The following TRIO variants were observed in gnomAD, a reference collection of about 807,000 sequenced individuals.
TRIO encodes the protein triple functional domain protein.
TRIO carries 58 observed loss-of-function variants against 351.9 expected under a neutral mutation model. The observed-to-expected ratio is 0.16, with a 90% CI of 0.13 to 0.21. The LOEUF is 0.21. Among genes scored for constraint, TRIO ranks in the 10% least tolerant of loss-of-function variants. The pLI is 1.00. For missense variants in TRIO, 3,201 were observed against 4,027.8 expected, an observed-to-expected ratio of 0.79 and a Z score of 5.56; for synonymous variants, 1,758 against 1,595.7, an observed-to-expected ratio of 1.10 and a Z score of -2.42.
chr5:14,216,072 C>G (rs910841166), intron 1 of TRIO, among the ~76,000 whole-genome samples: 5 of 152,144 alleles, frequency 3.3e-5, no homozygotes, highest in African/African-American at 1.2e-4. Context: ...TGTGAGGATT[C>G]AGTGAGATAA....
chr5:14,341,712 A>G (rs941179126), intron 11 of TRIO, among the ~76,000 whole-genome samples: 3 of 152,214 alleles, frequency 2.0e-5, no homozygotes, highest in Non-Finnish European at 4.4e-5. Flanking sequence ...TGTGTGGGTT[A>G]TTTGAGGCAA....
At chr5:14,356,885 C>T (rs976088566) in intron 11 of TRIO, among the ~76,000 whole-genome samples, 2 of 151,490 alleles carry the variant, frequency 1.3e-5, no homozygotes, top group African/African-American at 4.9e-5. Context: ...AGAGTACATA[C>T]TGTCCCATTC....
chr5:14,305,913 G>T (rs1421706126), intron 8 of TRIO, among the ~76,000 whole-genome samples: 1 of 152,180 alleles, frequency 6.6e-6, no homozygotes, highest in East Asian at 1.9e-4. Context: ...ACTTAGCATT[G>T]TGGTACAGTT....
intron 10 of TRIO, among the ~76,000 whole-genome samples, chr5:14,332,241 A>G (rs1740970198): frequency 6.6e-6 from 1 of 152,190 alleles, no homozygotes; most frequent in Admixed American, 6.5e-5. Context: ...CCAGGAAGCC[A>G]TTTCTGTCAA....
intron 9 of TRIO, among the ~76,000 whole-genome samples, chr5:14,318,844 C>G (rs1173929900): frequency 1.5e-4 from 23 of 152,206 alleles, no homozygotes; most frequent in Admixed American, 1.4e-3. Flanking sequence ...CATAATTCCA[C>G]ATCCGTGGAC....
In TRIO at chr5:14,461,192, G is replaced by T. The variant is rs746360543; in HGVS notation, c.5377G>T (p.Val1793Leu). ...RLSSGKADGH[V>L]KKLAHKHKKS... ...CAGCAGCGGCAAGGCCGACGGGCAC[G>T]TGAAGAAGCTGGCGCACAAGCACAA... is the stretch of plus-strand genomic sequence containing the variant. Residue 1793 changes from valine (V) to leucine (L), a missense_variant, in exon 35 of 57, where the codon GTG becomes TTG. By Grantham distance (32) the Val-to-Leu change is conservative. Transcript: ENST00000344204. 9.6e-6 allele frequency: 15 copies of T among 1,563,946 alleles called. No homozygotes were observed. Among genetic ancestry groups the T allele is most frequent in the Non-Finnish European group, 1.3e-5 (15 of 1,155,002 alleles).
intron 1 of TRIO, among the ~76,000 whole-genome samples, chr5:14,201,992 T>A (rs1181123314): frequency 7.2e-6 from 1 of 138,006 alleles, no homozygotes; most frequent in Non-Finnish European, 1.6e-5. Context: ...GGGGGAGGGA[T>A]AGCATTAGGA....
chr5:14,449,870 A>G (rs26091), intron 34 of TRIO, among the ~76,000 whole-genome samples: 1 of 152,222 alleles, frequency 6.6e-6, no homozygotes, highest in Non-Finnish European at 1.5e-5. Context: ...TTTCATTTAC[A>G]TTTAATTTCT....
intron 1 of TRIO, among the ~76,000 whole-genome samples, chr5:14,180,177 G>C (rs1222532775): frequency 6.9e-6 from 1 of 145,946 alleles, no homozygotes; most frequent in East Asian, 2.0e-4. Context: ...ATATTCCCTA[G>C]TTTTCTGGCA....
intron 28 of TRIO, among the ~76,000 whole-genome samples, chr5:14,395,820 CGGATCACGACATCAGGAGATG>C (rs1261543209): frequency 2.0e-5 from 3 of 152,024 alleles, no homozygotes; most frequent in Non-Finnish European, 4.4e-5. Context: ...CCGAGGCAGG[CGGATCACGACATCAGGAGATG>C]GAGACCATCC....
intron 1 of TRIO, among the ~76,000 whole-genome samples, chr5:14,221,399 A>G (rs1043032187): frequency 1.3e-5 from 2 of 152,212 alleles, no homozygotes; most frequent in African/African-American, 4.8e-5. Flanking sequence ...ATCATTTACA[A>G]AATACATTTT....
At chr5:14,463,057 CT>C in intron 36 of TRIO, 132 bp downstream of exon 36, 1 of 1,199,046 alleles carries the variant, frequency 8.3e-7, no homozygotes, top group Non-Finnish European at 1.1e-6. Flanking sequence ...ATGCAGTGCT[CT>C]TTCAGGCAGC....
intron 9 of TRIO, among the ~76,000 whole-genome samples, chr5:14,329,749 T>G (rs1023057217): frequency 2.0e-5 from 3 of 152,220 alleles, no homozygotes; most frequent in South Asian, 2.1e-4. Context: ...ACTGACTTAG[T>G]TTTTTGCTGG....
chr5:14,205,843 G>A (rs151924), intron 1 of TRIO, among the ~76,000 whole-genome samples: 76,223 of 151,516 alleles, frequency 0.5, 20,558 homozygotes, highest in Non-Finnish European at 0.6. Flanking sequence ...AGCGATTCTC[G>A]TGCCTCAGCC....
At chr5:14,153,956 C>T (rs1787965632) in intron 1 of TRIO, among the ~76,000 whole-genome samples, 1 of 152,156 alleles carries the variant, frequency 6.6e-6, no homozygotes, top group Non-Finnish European at 1.5e-5. Flanking sequence ...GTATTTTTCT[C>T]ATGTTGGTTT....
At chr5:14,164,623 G>C (rs1319264707) in intron 1 of TRIO, among the ~76,000 whole-genome samples, 1 of 150,792 alleles carries the variant, frequency 6.6e-6, no homozygotes, top group African/African-American at 2.5e-5. Flanking sequence ...GCCTCTCAAC[G>C]TACTGGATTT....
chr5:14,482,541 T>G (rs1755604410), intron 45 of TRIO, 41 bp from the exon 46 acceptor site: 1 of 1,371,622 alleles, frequency 7.3e-7, no homozygotes, highest in Admixed American at 2.8e-5. Flanking sequence ...AGGCAATGTT[T>G]TCTTCTCCCC....
intron 11 of TRIO, among the ~76,000 whole-genome samples, chr5:14,338,027 G>A (rs1349674207): frequency 6.6e-6 from 1 of 152,150 alleles, no homozygotes; most frequent in African/African-American, 2.4e-5. Context: ...AACAAAAGAG[G>A]CTATTTTTTT....
intron 34 of TRIO, among the ~76,000 whole-genome samples, chr5:14,453,796 T>A (rs1329274121): frequency 1.3e-5 from 2 of 152,214 alleles, no homozygotes; most frequent in Non-Finnish European, 2.9e-5. Context: ...TAGTGGGAAC[T>A]GAAGGCATTC....
Sources: allele counts gnomAD v4.1 joint callset (sites outside exome capture counted in the v4.1 genomes callset), GRCh38; gene constraint gnomAD v4.1.1; transcripts MANE v1.5; gene names NCBI Gene and HGNC (gene_info 2026-07-23, HGNC 2026-07-21).